The following ULK4 variants were observed in gnomAD, a reference collection of about 807,000 sequenced individuals.
ULK4 encodes the protein inactive serine/threonine-protein kinase ULK4.
Under a neutral mutation model 160.6 loss-of-function variants are expected in ULK4, and 133 were observed. That is an observed-to-expected ratio of 0.83 (90% CI 0.72 to 0.96). The LOEUF (loss-of-function observed/expected upper bound fraction) is 0.96. Among genes scored for constraint, ULK4 ranks in the 40% least tolerant of loss-of-function variants. The pLI, the probability that ULK4 is intolerant of heterozygous loss-of-function variation, is 0.00. For missense variants in ULK4, 1,580 were observed against 1,499.5 expected (o/e 1.05, Z -0.89); for synonymous variants, 534 against 539.8 (o/e 0.99, Z 0.15).
rs373243605 is a variant in ULK4, at chr3:41,644,159, T to G, written c.3071+19448A>C. On this transcript the variant is annotated intron_variant, in intron 30 of 36. Coordinates refer to ENST00000301831, the MANE Select transcript of ULK4 (RefSeq NM_017886.4). ...GCAAACAGGGACAATTTGACTTCCT[T>G]TTTTCCTAATTGAATACCCTTTATT... Among the ~76,000 whole-genome samples the G allele has an allele frequency of 5.3e-5, 8 of 152,204 alleles. No individual in the cohort carries two copies. In the South Asian group the frequency reaches 1.5e-3, roughly 28 times the overall value.
intron 35 of ULK4, among the ~76,000 whole-genome samples, chr3:41,269,274 T>A (rs2079098639): frequency 6.6e-6 from 1 of 152,026 alleles, no homozygotes. Context: ...CACTACTAAT[T>A]TCAATGCAAA....
At chr3:41,365,190 T>TA (rs1333301031) in intron 35 of ULK4, among the ~76,000 whole-genome samples, 1 of 152,208 alleles carries the variant, frequency 6.6e-6, no homozygotes, top group Non-Finnish European at 1.5e-5. Flanking sequence ...CTGGCTGTCT[T>TA]ACCAGGGCAT....
At chr3:41,560,425 T>G (rs77212658) in intron 32 of ULK4, among the ~76,000 whole-genome samples, 1 of 152,126 alleles carries the variant, frequency 6.6e-6, no homozygotes, top group Non-Finnish European at 1.5e-5. Flanking sequence ...TTGATGCGGA[T>G]GACATTGAAT....
chr3:41,629,913 C>T (rs1353758769), intron 30 of ULK4, among the ~76,000 whole-genome samples: 1 of 152,124 alleles, frequency 6.6e-6, no homozygotes, highest in Non-Finnish European at 1.5e-5. Context: ...AGAAGGATCA[C>T]CTGAGCCCAG....
At chr3:41,816,079 T>A (rs1265697469) in intron 19 of ULK4, among the ~76,000 whole-genome samples, 2 of 152,026 alleles carry the variant, frequency 1.3e-5, no homozygotes, top group African/African-American at 4.8e-5. Flanking sequence ...AGCAAGATTG[T>A]ATGTGTATAC....
chr3:41,624,842 G>A (rs2033423087), intron 30 of ULK4, among the ~76,000 whole-genome samples: 1 of 152,088 alleles, frequency 6.6e-6, no homozygotes, highest in African/African-American at 2.4e-5. Context: ...TCCAGTGATG[G>A]TCATTTAGGT....
intron 17 of ULK4, chr3:41,859,365 C>T: frequency 3.4e-6 from 2 of 585,512 alleles, no homozygotes; most frequent in South Asian, 2.7e-5. Flanking sequence ...GCCAATGATG[C>T]TTCAGATACC....
chr3:41,535,904 C>G (rs1170831931), intron 32 of ULK4, among the ~76,000 whole-genome samples: 4 of 152,104 alleles, frequency 2.6e-5, no homozygotes, highest in Non-Finnish European at 5.9e-5. Flanking sequence ...CTTCCTTGCC[C>G]CACCAGATTC....
chr3:41,754,386 T>A lies in ULK4; in HGVS notation c.2296A>T (p.Met766Leu), dbSNP rs1365478868. The change falls in exon 22 of 37, where the codon ATG becomes TTG. Residue 766 changes from methionine to leucine, a missense_variant. Physicochemically the swap from Met to Leu is conservative, Grantham distance 15 (BLOSUM62 2). Transcript: ENST00000301831. ...LLYILIYNRE[M>L]LLLSCQARLV... ...CTTGCTTGGCAACTGAGCAGCAACA[T>A]CTCACGGTTATAAATCAAAATATAT... 6.2e-7 allele frequency: 1 copy of A among 1,612,414 alleles called. No homozygotes were observed. The highest frequency in any genetic ancestry group is 2.2e-5 in the East Asian group (1 of 44,808).
At chr3:41,527,724 T>TA (rs1242755933) in intron 32 of ULK4, among the ~76,000 whole-genome samples, 1 of 152,208 alleles carries the variant, frequency 6.6e-6, no homozygotes, top group Non-Finnish European at 1.5e-5. Flanking sequence ...TTCATGAGTA[T>TA]AAAAAAATTT....
chr3:41,787,894 T>C (rs1559553278), intron 21 of ULK4, among the ~76,000 whole-genome samples: 1 of 152,218 alleles, frequency 6.6e-6, no homozygotes, highest in Non-Finnish European at 1.5e-5. Context: ...TTACTGCTTT[T>C]GTGAAATACT....
At chr3:41,445,203 ACTG>A (rs1433602722) in intron 34 of ULK4, among the ~76,000 whole-genome samples, 2 of 152,198 alleles carry the variant, frequency 1.3e-5, no homozygotes, top group East Asian at 3.9e-4. Context: ...ACTACAAACC[ACTG>A]CTCAAGGAAA....
intron 21 of ULK4, among the ~76,000 whole-genome samples, chr3:41,758,212 C>T (rs1000308563): frequency 1.9e-4 from 29 of 152,124 alleles, no homozygotes; most frequent in African/African-American, 5.6e-4. Flanking sequence ...GACTTCCCAG[C>T]CTCCAGAACA....
intron 30 of ULK4, among the ~76,000 whole-genome samples, chr3:41,619,568 G>C (rs1040076679): frequency 3.9e-5 from 6 of 152,046 alleles, no homozygotes; most frequent in African/African-American, 1.4e-4. Context: ...TGAGACCAAT[G>C]AAAACAAAGA....
chr3:41,848,685 T>C (rs1044267216), intron 17 of ULK4, among the ~76,000 whole-genome samples: 6 of 152,102 alleles, frequency 3.9e-5, no homozygotes, highest in Admixed American at 3.3e-4. Context: ...TCTAGCAGTA[T>C]CCCCAAACAG....
intron 32 of ULK4, among the ~76,000 whole-genome samples, chr3:41,525,970 T>C (rs2086102712): frequency 2.6e-5 from 4 of 152,280 alleles, no homozygotes; most frequent in Admixed American, 2.0e-4. Context: ...GTTGTGCTTA[T>C]TTGGTCTTTT....
intron 35 of ULK4, among the ~76,000 whole-genome samples, chr3:41,290,737 G>T (rs2079543459): frequency 1.3e-5 from 2 of 152,210 alleles, no homozygotes. Context: ...TGTGGGAAAG[G>T]ACTGTGGTAC....
At chr3:41,449,041 C>T (rs148947793) in intron 34 of ULK4, among the ~76,000 whole-genome samples, 96 of 152,200 alleles carry the variant, frequency 6.3e-4, no homozygotes, top group African/African-American at 2.3e-3. Context: ...CCTCAGTCTC[C>T]CAAGTAGTTG....
intron 30 of ULK4, among the ~76,000 whole-genome samples, chr3:41,616,394 C>G (rs1301118133): frequency 1.3e-5 from 2 of 152,192 alleles, no homozygotes; most frequent in Non-Finnish European, 2.9e-5. Flanking sequence ...CAGCTCCCAG[C>G]AAGACCAACA....
Sources: allele counts gnomAD v4.1 joint callset (sites outside exome capture counted in the v4.1 genomes callset), GRCh38; gene constraint gnomAD v4.1.1; transcripts MANE v1.5; gene names NCBI Gene and HGNC (gene_info 2026-07-23, HGNC 2026-07-21).